Variants in CHM observed in about 807,000 individuals in gnomAD.
CHM encodes the protein CHM Rab escort protein, also known as rab proteins geranylgeranyltransferase component A 1.
Under a neutral mutation model 49.0 loss-of-function variants are expected in CHM, and 10 were observed. That is an observed-to-expected ratio of 0.20 (90% CI 0.13 to 0.35). CHM has a LOEUF of 0.35. CHM is among the 10% of genes least tolerant of loss of function. The pLI is 1.00. For synonymous variants in CHM, 184 were observed against 167.5 expected (o/e 1.10, Z -0.76); for missense variants, 455 against 478.4 (o/e 0.95, Z 0.46).
intron 2 of CHM, among the ~76,000 whole-genome samples, chrX:86,009,363 A>G (rs1932961428): frequency 8.9e-6 from 1 of 112,326 alleles, no homozygotes; most frequent in African/African-American, 3.2e-5. Context: ...TCATACATCC[A>G]GAAAGTATTT....
At chrX:86,042,397 A>C (rs1052698461) in intron 1 of CHM, among the ~76,000 whole-genome samples, 8 of 111,372 alleles carry the variant, frequency 7.2e-5, no homozygotes, top group African/African-American at 1.3e-4. Flanking sequence ...AGCATGGTAC[A>C]GGCATCTGCT....
chrX:85,936,399 C>T (rs1928783241), intron 8 of CHM, among the ~76,000 whole-genome samples: 1 of 111,617 alleles, frequency 9.0e-6, no homozygotes, highest in Non-Finnish European at 1.9e-5. Flanking sequence ...ACATACAAGT[C>T]TCAAAGTAGC....
chrX:86,002,068 T>C (rs1603275563), intron 2 of CHM, among the ~76,000 whole-genome samples: 1 of 111,495 alleles, frequency 9.0e-6, no homozygotes, highest in African/African-American at 3.3e-5. Context: ...TATAACTCCA[T>C]AAAACTGTAT....
chrX:86,029,869 T>A (rs1230589214), intron 1 of CHM, among the ~76,000 whole-genome samples: 1 of 111,702 alleles, frequency 9.0e-6, no homozygotes, highest in Non-Finnish European at 1.9e-5. Flanking sequence ...GAGAATATCA[T>A]GATCTACCTC....
At chrX:85,995,944 T>C (rs942871518) in intron 2 of CHM, among the ~76,000 whole-genome samples, 4 of 112,222 alleles carry the variant, frequency 3.6e-5, no homozygotes, top group African/African-American at 9.7e-5. Context: ...TTCTCACTCT[T>C]ACAGGGTTGC....
intron 4 of CHM, 144 bp from the exon 5 acceptor site, chrX:85,964,196 T>A (rs1930456917): frequency 5.5e-6 from 3 of 544,897 alleles, no homozygotes; most frequent in Non-Finnish European, 5.7e-6. Flanking sequence ...GAAACAAAAT[T>A]AAGATTTGAA....
At chrX:85,952,463 G>A (rs1266906466) in intron 8 of CHM, among the ~76,000 whole-genome samples, 1 of 111,482 alleles carries the variant, frequency 9.0e-6, no homozygotes, top group African/African-American at 3.3e-5. Context: ...ACATACCATG[G>A]ACGATAAGGG....
Position 85,944,776 on chromosome X carries a change from T to C in CHM, c.1166+11377A>G, listed in dbSNP as rs770860795. Among the ~76,000 whole-genome samples the C allele has an allele frequency of 8.9e-5, 10 of 112,062 alleles. 1 individual carries two copies. In the South Asian group the frequency reaches 2.6e-3, roughly 29 times the overall value. On this transcript the variant is annotated intron_variant, in intron 8 of 14. Transcript: ENST00000357749. ...ACCATATGACCTAGCAATCCCATTA[T>C]TGGTTACATACACAAAGGAATACAA...
chrX:85,878,245 G>A (rs147418238), intron 13 of CHM, among the ~76,000 whole-genome samples: 4,144 of 111,491 alleles, frequency 0.037, 211 homozygotes, highest in African/African-American at 0.13. Flanking sequence ...TTTGGGAAGC[G>A]GAGGTGGGCG....
intron 1 of CHM, among the ~76,000 whole-genome samples, chrX:86,031,791 G>A (rs1195040709): frequency 9.0e-6 from 1 of 111,392 alleles, no homozygotes; most frequent in Non-Finnish European, 1.9e-5. Context: ...GGTGAGCCAA[G>A]ATCGCACCAT....
At chrX:85,903,277 AT>A (rs1437704160) in intron 9 of CHM, among the ~76,000 whole-genome samples, 1 of 111,504 alleles carries the variant, frequency 9.0e-6, no homozygotes, top group African/African-American at 3.3e-5. Context: ...GAAAATGTTC[AT>A]CATAAAATGT....
chrX:86,047,064 T>A (rs142464754), intron 1 of CHM, among the ~76,000 whole-genome samples: 96 of 111,411 alleles, frequency 8.6e-4, no homozygotes, highest in Non-Finnish European at 9.6e-4. Context: ...TACAAATCTA[T>A]GAAAAAGTCC....
intron 1 of CHM, among the ~76,000 whole-genome samples, chrX:86,034,433 A>T (rs1162482090): frequency 9.0e-6 from 1 of 111,615 alleles, no homozygotes; most frequent in Non-Finnish European, 1.9e-5. Flanking sequence ...ATGAACCCCA[A>T]AATAGAAATG....
At chrX:86,037,479 C>G (rs1399290132) in intron 1 of CHM, among the ~76,000 whole-genome samples, 1 of 111,271 alleles carries the variant, frequency 9.0e-6, no homozygotes, top group African/African-American at 3.3e-5. Context: ...CCAAAATGAT[C>G]TTTTCACAGC....
intron 2 of CHM, 91 bp downstream of exon 2, chrX:86,027,400 A>G (rs1933870699): frequency 1.4e-6 from 1 of 705,731 alleles, no homozygotes; most frequent in Admixed American, 2.3e-5. Flanking sequence ...ACATACATGT[A>G]CATACGTACA....
rs1933049150 is a variant in CHM, at chrX:86,010,999, G to A, written c.116+16492C>T. On this transcript the variant is annotated intron_variant, in intron 2 of 14. Transcript: ENST00000357749. ...AGGGATCAATGCTTCCTTTATACTA[G>A]GCAACTGTACTAGGCAATTGTAAAT... 2.7e-5 allele frequency among the ~76,000 whole-genome samples: 3 copies of A among 111,218 alleles called. No individual in the cohort carries two copies. In the South Asian group the frequency reaches 1.1e-3, roughly 42 times the overall value.
rs73224590 is a variant in CHM, at chrX:85,890,743, A to G, written c.1510+3445T>C. Among the ~76,000 whole-genome samples, 634 of 111,717 alleles carry G rather than the reference A, an allele frequency of 5.7e-3. 1 individual carries two copies. The highest frequency in any genetic ancestry group is 0.011 in the Non-Finnish European group (560 of 53,198). ...GCATGAAAACAGACGAATACAGTAA[A>G]TCAGTCCCCGTAGAGTGAGGCATTG... On this transcript the variant is annotated intron_variant, in intron 12 of 14. Transcript: ENST00000357749.
At chrX:86,020,444 C>A (rs1933487332) in intron 2 of CHM, among the ~76,000 whole-genome samples, 1 of 108,185 alleles carries the variant, frequency 9.2e-6, no homozygotes, top group African/African-American at 3.3e-5. Context: ...CTCCTTGGAG[C>A]ATTTCAGATT....
chrX:86,014,584 C>A (rs925955542), intron 2 of CHM, among the ~76,000 whole-genome samples: 4 of 112,665 alleles, frequency 3.6e-5, no homozygotes, highest in Non-Finnish European at 5.6e-5. Flanking sequence ...CAGGACCAGG[C>A]GAGGCCCAGG....
Sources: gnomAD v4.1 joint callset for allele counts (sites outside exome capture counted in the v4.1 genomes callset) on GRCh38, gnomAD v4.1.1 for gene constraint, MANE v1.5 for transcripts, NCBI Gene and HGNC (gene_info 2026-07-23, HGNC 2026-07-21) for gene names.